The following WDR1 variants were observed in gnomAD, a reference collection of about 807,000 sequenced individuals.
WDR1 encodes the protein WD repeat domain 1.
WDR1 carries 21 observed loss-of-function variants against 71.9 expected under a neutral mutation model. That is an observed-to-expected ratio of 0.29 (90% CI 0.21 to 0.42). The LOEUF is 0.42. WDR1 is among the 10% of genes least tolerant of loss of function. The pLI, the probability that WDR1 is intolerant of heterozygous loss-of-function variation, is 1.00. For missense variants in WDR1, 696 were observed against 824.5 expected (o/e 0.84, Z 1.91); for synonymous variants, 424 against 347.4 (o/e 1.22, Z -2.45).
chr4:10,101,996 C>T (rs1712709369), intron 3 of WDR1, among the ~76,000 whole-genome samples: 1 of 152,230 alleles, frequency 6.6e-6, no homozygotes, highest in African/African-American at 2.4e-5. Context: ...TGGAGAAGAT[C>T]TAAACACAAA....
chr4:10,115,140 C>G (rs1489324682), intron 2 of WDR1, among the ~76,000 whole-genome samples: 1 of 152,218 alleles, frequency 6.6e-6, no homozygotes, highest in Non-Finnish European at 1.5e-5. Context: ...TTGTGCCAGC[C>G]GCCCCCACTA....
At chr4:10,078,857 G>C (rs372026591) in intron 12 of WDR1, 34 bp downstream of exon 12, 104 of 1,575,830 alleles carry the variant, frequency 6.6e-5, no homozygotes, top group Non-Finnish European at 8.3e-5. Context: ...AGATACCAAG[G>C]ACAGAGAGCA....
intron 3 of WDR1, among the ~76,000 whole-genome samples, chr4:10,102,267 G>A (rs552369019): frequency 1.3e-4 from 20 of 152,202 alleles, no homozygotes; most frequent in Non-Finnish European, 2.1e-4. Context: ...GAGAAAATTT[G>A]GGCCCAGGAA....
At chr4:10,111,527 T>C (rs927321724) in intron 2 of WDR1, among the ~76,000 whole-genome samples, 2 of 152,156 alleles carry the variant, frequency 1.3e-5, no homozygotes, top group East Asian at 3.9e-4. Flanking sequence ...ACCACTTCCT[T>C]CTGCCACCTA....
In WDR1 at chr4:10,097,798, G is replaced by T. The variant is rs1273058473; in HGVS notation, c.471C>A (p.Ser157Arg). 1 of 1,613,482 alleles carries T rather than the reference G, an allele frequency of 6.2e-7. No homozygotes were observed. The highest frequency in any genetic ancestry group is 8.5e-7 in the Non-Finnish European group (1 of 1,179,838). The change falls in exon 5 of 15, where the codon AGC becomes AGA. Residue 157 changes from serine to arginine, a missense_variant. Ser to Arg is a moderately radical substitution (Grantham distance 110). Coordinates refer to ENST00000499869, the MANE Select transcript of WDR1 (RefSeq NM_017491.5). ...KVINSVDIKQSRPYRLATGSD... is the reference protein window; with the variant it reads ...KVINSVDIKQRRPYRLATGSD... ...TTCCCGTGGCCAGCCGGTATGGCCG[G>T]CTCTGCTTGATGTCCACGCTGTTGA... is the stretch of plus-strand genomic sequence containing the variant.
chr4:10,098,093 C>T (rs1313805526), intron 4 of WDR1, among the ~76,000 whole-genome samples: 2 of 152,012 alleles, frequency 1.3e-5, no homozygotes, highest in East Asian at 1.9e-4. Flanking sequence ...GACCCAAGAA[C>T]AAGATGGGGC....
intron 2 of WDR1, among the ~76,000 whole-genome samples, chr4:10,111,552 C>T (rs1352706475): frequency 6.6e-6 from 1 of 152,176 alleles, no homozygotes. Context: ...TTATTTCACT[C>T]CCACCCAGGA....
intron 6 of WDR1, 120 bp downstream of exon 6, chr4:10,088,544 G>A: frequency 8.9e-7 from 1 of 1,118,158 alleles, no homozygotes; most frequent in Non-Finnish European, 1.3e-6. Context: ...TGCAGATGTG[G>A]GGAGGGCGAT....
At chr4:10,112,140 C>T (rs941566573) in intron 2 of WDR1, among the ~76,000 whole-genome samples, 3 of 151,924 alleles carry the variant, frequency 2.0e-5, no homozygotes, top group African/African-American at 7.3e-5. Flanking sequence ...TAGGATGGTC[C>T]CGTGCCCTGT....
chr4:10,116,060 C>T, intron 2 of WDR1, 53 bp downstream of exon 2: 1 of 1,587,840 alleles, frequency 6.3e-7, no homozygotes, highest in South Asian at 1.1e-5. Context: ...GCGAATTATC[C>T]CATCCCAAGG....
At chr4:10,115,358 G>A (rs1713647122) in intron 2 of WDR1, among the ~76,000 whole-genome samples, 1 of 152,222 alleles carries the variant, frequency 6.6e-6, no homozygotes, top group Non-Finnish European at 1.5e-5. Flanking sequence ...GGCTCTAGAA[G>A]CCTTTTCAGC....
rs554589525 is a variant in WDR1 at position 10,084,340 on chromosome 4, C to T, written c.1039+103G>A. ...TCAGAAGAGCGTGTGGCTGTGGCTG[C>T]AGCTGGAGCCACCTGGCTGGCCTGG... On this transcript the variant is annotated intron_variant, in intron 9 of 14. Coordinates refer to ENST00000499869, the MANE Select transcript of WDR1 (RefSeq NM_017491.5). 1.6e-4 allele frequency: 168 copies of T among 1,047,734 alleles called. No homozygotes were observed. The South Asian group carries it at 1.8e-3, about 11-fold the overall frequency. The allele number at this position is 1,047,734 out of a possible 1,614,324, so 64.9% of individuals were successfully genotyped here. A position where few individuals can be genotyped will look rare whatever the true frequency, so the allele number is the denominator to read the frequency against.
At chr4:10,104,345 T>C (rs1336909239) in intron 2 of WDR1, among the ~76,000 whole-genome samples, 6 of 152,126 alleles carry the variant, frequency 3.9e-5, no homozygotes, top group African/African-American at 1.4e-4. Context: ...TCCCTCCCAT[T>C]TGTGGGAAGC....
At chr4:10,104,124 C>T (rs1712880139) in intron 2 of WDR1, 138 bp from the exon 3 acceptor site, 7 of 852,126 alleles carry the variant, frequency 8.2e-6, no homozygotes, top group Non-Finnish European at 1.3e-5. Context: ...ACCGCAGAAG[C>T]ATACCACTTG....
intron 8 of WDR1, among the ~76,000 whole-genome samples, chr4:10,086,030 T>A (rs1237929869): frequency 2.0e-5 from 3 of 152,132 alleles, no homozygotes; most frequent in Non-Finnish European, 1.5e-5. Context: ...GGAAGAGCAC[T>A]CTCAGGGCAG....
At chr4:10,091,410 C>A (rs1711970805) in intron 5 of WDR1, 1 of 152,246 alleles carries the variant, frequency 6.6e-6, no homozygotes, top group Non-Finnish European at 1.5e-5. Context: ...AGATGGGGCT[C>A]CAGGGCCCTC....
At chr4:10,083,992 T>C (rs1285581834) in intron 9 of WDR1, among the ~76,000 whole-genome samples, 1 of 152,206 alleles carries the variant, frequency 6.6e-6, no homozygotes, top group Non-Finnish European at 1.5e-5. Flanking sequence ...GCACATCAGC[T>C]CTCTGGGCTC....
At position 10,075,441 on chromosome 4, in the gene WDR1, G is replaced by A. The variant is rs35545523; in HGVS notation, c.1758C>T (p.Asp586=). ...LHHVSSLAWL[D]EHTLVTTSHD... The stretch of plus-strand genomic sequence containing the variant: ...GGGAGGTCGTGACCAGCGTGTGCTC[G>A]TCCAGCCAGGCCAGGCTGCTGACAT... Residue 586 remains aspartate (D), a synonymous_variant, in exon 15 of 15, where the codon GAC becomes GAT. Transcript: ENST00000499869. The A allele has an allele frequency of 3.4e-5, 55 of 1,613,852 alleles. No individual in the cohort carries two copies. The African/African-American group carries it at 3.9e-4, about 11-fold the overall frequency.
intron 14 of WDR1, 169 bp from the exon 15 acceptor site, chr4:10,075,653 C>A: frequency 1.5e-6 from 1 of 649,320 alleles, no homozygotes; most frequent in Non-Finnish European, 2.7e-6. Flanking sequence ...TGGCTGAATT[C>A]TCCACGTGAC....
Sources: gnomAD v4.1 joint callset for allele counts (sites outside exome capture counted in the v4.1 genomes callset) on GRCh38, gnomAD v4.1.1 for gene constraint, MANE v1.5 for transcripts, NCBI Gene and HGNC (gene_info 2026-07-23, HGNC 2026-07-21) for gene names.